The following HYDIN variants were observed in gnomAD, a reference collection of about 807,000 sequenced individuals.
The protein encoded by HYDIN is HYDIN axonemal central pair apparatus protein, also known as axonemal central pair apparatus protein HYDIN.
A neutral mutation model predicts 403.9 loss-of-function variants in HYDIN; 132 were observed. The ratio of observed to expected loss-of-function variants is 0.33; its 90% CI spans 0.28 to 0.38. The LOEUF is 0.38. Among genes scored for constraint, HYDIN ranks in the 10% least tolerant of loss-of-function variants. HYDIN has a pLI of 1.00. For missense variants in HYDIN, 2,827 were observed against 5,009.5 expected, an observed-to-expected ratio of 0.56 and a Z score of 13.15; for synonymous variants, 1,202 against 1,891.7, an observed-to-expected ratio of 0.64 and a Z score of 9.46.
chr16:71,193,924 C>T (rs1186626828), intron 1 of HYDIN, among the ~76,000 whole-genome samples: 1 of 152,124 alleles, frequency 6.6e-6, no homozygotes, highest in Non-Finnish European at 1.5e-5. Flanking sequence ...TTTTTGCTCC[C>T]AGTTAAATCT....
At chr16:71,068,491 A>C (rs1448165130) in intron 14 of HYDIN, among the ~76,000 whole-genome samples, 1 of 151,698 alleles carries the variant, frequency 6.6e-6, no homozygotes, top group Non-Finnish European at 1.5e-5. Flanking sequence ...CCCCTTGTTT[A>C]TGTATCTGGG....
intron 60 of HYDIN, among the ~76,000 whole-genome samples, chr16:70,882,439 G>C (rs1165995757): frequency 6.6e-6 from 1 of 152,264 alleles, no homozygotes; most frequent in African/African-American, 2.4e-5. Context: ...CGGTTTGCTC[G>C]TCCATGCGTA....
chr16:70,923,426 C>T, intron 45 of HYDIN, among the ~76,000 whole-genome samples: 1 of 139,574 alleles, frequency 7.2e-6, no homozygotes, highest in Non-Finnish European at 1.5e-5. Flanking sequence ...TGAGATTGCA[C>T]CATTGCACTC....
At position 70,805,276 on chromosome 16, in the gene HYDIN, C is replaced by G. The variant is rs1004653534; in HGVS notation, c.*2304G>C. 4.6e-5 allele frequency among the ~76,000 whole-genome samples: 7 copies of G among 152,176 alleles called. No homozygotes were observed. Among genetic ancestry groups the G allele is most frequent in the African/African-American group, 7.2e-5 (3 of 41,446 alleles). On this transcript the variant is annotated 3_prime_UTR_variant, in exon 86 of 86. Transcript: ENST00000393567. Reference sequence around the variant, plus strand: ...AAGTAGCACTCTCAGCTGCAATGTGCATGCAAATCGCCTGGAGGTCCATGA... The same window carrying G: ...AAGTAGCACTCTCAGCTGCAATGTGGATGCAAATCGCCTGGAGGTCCATGA...
chr16:70,836,828 T>G (rs2037459700), intron 77 of HYDIN, among the ~76,000 whole-genome samples: 1 of 152,174 alleles, frequency 6.6e-6, no homozygotes, highest in Non-Finnish European at 1.5e-5. Flanking sequence ...TCCCAAAATA[T>G]CCAATACATA....
At position 70,807,427 on chromosome 16, in the gene HYDIN, A is replaced by G. The variant is rs1332748692; in HGVS notation, c.*153T>C. The G allele has an allele frequency of 2.6e-6, 2 of 766,238 alleles. No homozygotes were observed. The highest frequency in any genetic ancestry group is 4.1e-6 in the Non-Finnish European group (2 of 485,400). The allele number at this position is 766,238 out of a possible 1,614,324, so 47.5% of individuals were successfully genotyped here. On this transcript the variant is annotated 3_prime_UTR_variant, in exon 86 of 86. Transcript: ENST00000393567. Reference sequence around the variant, plus strand: ...AATATGGAATAGATATTTCATATCTATATTTGGAAAACACATAATAGGGAA... The same window carrying G: ...AATATGGAATAGATATTTCATATCTGTATTTGGAAAACACATAATAGGGAA...
Position 70,857,915 on chromosome 16 carries a change from T to A in HYDIN, c.12130-45A>T, listed in dbSNP as rs2487972. 9.9e-3 allele frequency: 15,448 copies of A among 1,568,172 alleles called. 130 individuals are homozygous for A. Among genetic ancestry groups the A allele is most frequent in the Non-Finnish European group, 0.012 (13,841 of 1,156,442 alleles). On this transcript the variant is annotated intron_variant, in intron 71 of 85. Coordinates refer to ENST00000393567, the MANE Select transcript of HYDIN (RefSeq NM_001270974.2). Reference sequence around the variant, plus strand: ...CAGAGTGGTAAAAGACACTTCTGTATGCTTACTCCACATGTCCCTGGAGAC... The same window carrying A: ...CAGAGTGGTAAAAGACACTTCTGTAAGCTTACTCCACATGTCCCTGGAGAC...
intron 1 of HYDIN, among the ~76,000 whole-genome samples, chr16:71,226,412 C>T (rs143054256): frequency 2.2e-4 from 34 of 152,092 alleles, no homozygotes; most frequent in Non-Finnish European, 3.7e-4. Flanking sequence ...TCTTGCCTGA[C>T]GTCATACATA....
At chr16:71,027,567 A>G in intron 20 of HYDIN, 35 bp downstream of exon 20, 3 of 1,613,886 alleles carry the variant, frequency 1.9e-6, no homozygotes, top group Non-Finnish European at 2.5e-6. Context: ...TTATTTAGGA[A>G]AAAACAATAG....
chr16:71,124,266 G>A (rs2107487), intron 9 of HYDIN, among the ~76,000 whole-genome samples: 7 of 152,244 alleles, frequency 4.6e-5, no homozygotes, highest in African/African-American at 1.7e-4. Flanking sequence ...CACAACCTGC[G>A]GCCACATGGT....
intron 12 of HYDIN, among the ~76,000 whole-genome samples, chr16:71,082,132 G>A (rs1307884301): frequency 1.3e-5 from 2 of 151,748 alleles, no homozygotes; most frequent in East Asian, 3.9e-4. Flanking sequence ...CAGAACCTAC[G>A]ATATTAACTT....
chr16:70,940,393 T>C (rs1267548549), intron 43 of HYDIN, among the ~76,000 whole-genome samples: 1 of 151,880 alleles, frequency 6.6e-6, no homozygotes. Context: ...ACGGCCGTTG[T>C]AGAGATTAAA....
At chr16:71,152,082 C>A (rs1268563699) in intron 7 of HYDIN, among the ~76,000 whole-genome samples, 6 of 150,626 alleles carry the variant, frequency 4.0e-5, no homozygotes, top group Non-Finnish European at 8.9e-5. Context: ...AAATTACCTG[C>A]AAATTTTAAT....
intron 8 of HYDIN, among the ~76,000 whole-genome samples, chr16:71,130,580 C>T (rs2084671183): frequency 2.0e-5 from 3 of 150,394 alleles, no homozygotes; most frequent in South Asian, 2.1e-4. Flanking sequence ...CTCCGCTTCC[C>T]GGGTTCACGC....
chr16:70,906,861 G>T (rs1388137291), intron 50 of HYDIN, among the ~76,000 whole-genome samples: 1 of 152,152 alleles, frequency 6.6e-6, no homozygotes, highest in Non-Finnish European at 1.5e-5. Flanking sequence ...CATAACACTG[G>T]TCTTTTTGGT....
At chr16:70,878,999 T>C (rs2040615235) in intron 62 of HYDIN, among the ~76,000 whole-genome samples, 2 of 150,268 alleles carry the variant, frequency 1.3e-5, no homozygotes, top group Non-Finnish European at 2.9e-5. Flanking sequence ...CAGAAAACAA[T>C]TAAAAAAACA....
intron 41 of HYDIN, among the ~76,000 whole-genome samples, chr16:70,944,705 G>C (rs1489921629): frequency 6.6e-6 from 1 of 152,072 alleles, no homozygotes; most frequent in Non-Finnish European, 1.5e-5. Flanking sequence ...AAGTATTATG[G>C]GAAGTTGGTG....
intron 1 of HYDIN, among the ~76,000 whole-genome samples, chr16:71,205,628 G>T (rs1193948768): frequency 2.0e-5 from 3 of 152,226 alleles, no homozygotes; most frequent in East Asian, 1.9e-4. Context: ...CTGCTTGCCA[G>T]CCAGGGCTCA....
chr16:70,842,766 G>A (rs2037914554), intron 75 of HYDIN, among the ~76,000 whole-genome samples: 1 of 151,600 alleles, frequency 6.6e-6, no homozygotes, highest in African/African-American at 2.4e-5. Context: ...TTTTCTATTT[G>A]CTTTCTATAT....
Sources: allele counts gnomAD v4.1 joint callset (sites outside exome capture counted in the v4.1 genomes callset), GRCh38; gene constraint gnomAD v4.1.1; transcripts MANE v1.5; gene names NCBI Gene and HGNC (gene_info 2026-07-23, HGNC 2026-07-21).